Variants in TJP1 observed in about 807,000 individuals in gnomAD.
TJP1 encodes the protein tight junction protein 1.
TJP1 carries 43 observed loss-of-function variants against 194.2 expected under a neutral mutation model. The ratio of observed to expected loss-of-function variants is 0.22; its 90% CI spans 0.17 to 0.29. TJP1 has a LOEUF of 0.29. TJP1 is among the 10% of genes least tolerant of loss of function. The pLI, the probability that TJP1 is intolerant of heterozygous loss-of-function variation, is 1.00. For synonymous variants in TJP1, 801 were observed against 779.0 expected, an observed-to-expected ratio of 1.03 and a Z score of -0.47; for missense variants, 1,971 against 2,185.7, an observed-to-expected ratio of 0.90 and a Z score of 1.96.
Position 29,719,070 on chromosome 15 carries a change from A to G in TJP1, c.3072T>C (p.Val1024=). 6.2e-7 allele frequency: 1 copy of G among 1,614,110 alleles called. No homozygotes were observed. Among genetic ancestry groups the G allele is most frequent in the Non-Finnish European group, 8.5e-7 (1 of 1,180,042 alleles). The change falls in exon 21 of 28, where the codon GTT becomes GTC. Residue 1024 remains valine (V), a synonymous_variant. Coordinates refer to ENST00000614355, the MANE Select transcript of TJP1 (RefSeq NM_001330239.4). ...TGTCTGGCCTGTGCCCTGGGTGACTAACGGCTGGCTGTTTCAAAACATGGT... is the reference window on the plus strand; with the variant it reads ...TGTCTGGCCTGTGCCCTGGGTGACTGACGGCTGGCTGTTTCAAAACATGGT... ...RQNHVLKQPA[V]SHPGHRPDKE...
chr15:29,883,698 GGC>G (rs1324948001), intron 2 of TJP1, among the ~76,000 whole-genome samples: 1 of 151,758 alleles, frequency 6.6e-6, no homozygotes, highest in African/African-American at 2.4e-5. Flanking sequence ...TTTCATTTCT[GGC>G]TTTAATTGTG....
At chr15:29,749,284 T>C (rs1289534579) in intron 8 of TJP1, among the ~76,000 whole-genome samples, 6 of 151,872 alleles carry the variant, frequency 4.0e-5, no homozygotes, top group Admixed American at 6.6e-5. Context: ...CTGAGAGAGA[T>C]TTTATAGGTC....
intron 25 of TJP1, among the ~76,000 whole-genome samples, chr15:29,706,487 T>C (rs184469117): frequency 1.1e-3 from 166 of 152,236 alleles, no homozygotes; most frequent in African/African-American, 3.6e-3. Flanking sequence ...CATTGGAGCA[T>C]TTTGGCAATA....
intron 23 of TJP1, among the ~76,000 whole-genome samples, chr15:29,714,229 T>C (rs569979296): frequency 6.6e-6 from 1 of 152,270 alleles, no homozygotes; most frequent in African/African-American, 2.4e-5. Context: ...ACTTACTTTT[T>C]AGACCTAAAT....
intron 2 of TJP1, among the ~76,000 whole-genome samples, chr15:29,840,098 A>C (rs79082990): frequency 1.3e-5 from 2 of 152,176 alleles, no homozygotes; most frequent in Admixed American, 1.3e-4. Context: ...AGATTTTTTT[A>C]AACTATTGAG....
Position 29,705,710 on chromosome 15 carries a change from C to A in TJP1, c.4886G>T (p.Gly1629Val), listed in dbSNP as rs781714162. The change falls in exon 26 of 28, where the codon GGT becomes GTT. Residue 1629 changes from glycine (G) to valine (V), a missense_variant. By Grantham distance (109) the Gly-to-Val change is moderately radical (BLOSUM62 -3). Around this residue, in one of 5 missense-constraint regions of TJP1, gnomAD observed 1,108 missense variants for 1,128.5 expected, o/e 0.98. Coordinates refer to ENST00000614355, the MANE Select transcript of TJP1 (RefSeq NM_001330239.4). ...TCGGGCTGTGGCCACCACAGTATGA[C>A]CATCTTCATCTTCATCCTCTTCCAC... ...SAVEEDEDEDGHTVVATARGI... is the reference protein window; with the variant it reads ...SAVEEDEDEDVHTVVATARGI... 4.3e-6 allele frequency: 7 copies of A among 1,614,000 alleles called. No individual in the cohort carries two copies. In the African/African-American group the frequency reaches 8.0e-5, roughly 18 times the overall value.
chr15:29,860,694 G>A lies in TJP1; in HGVS notation c.307-59992C>T, dbSNP rs530274838. 6.8e-4 allele frequency among the ~76,000 whole-genome samples: 104 copies of A among 152,134 alleles called. 1 individual carries two copies. Among genetic ancestry groups the A allele is most frequent in the African/African-American group, 2.4e-3 (100 of 41,502 alleles). Reference sequence around the variant, plus strand: ...CTATTTTTCAGCTGATGAACAATTAGGCTGTTTCCATCTTTTGGTTATTAG... The same window carrying A: ...CTATTTTTCAGCTGATGAACAATTAAGCTGTTTCCATCTTTTGGTTATTAG... On this transcript the variant is annotated intron_variant, in intron 2 of 28. Coordinates refer to the TJP1 transcript ENST00000356107.
chr15:29,743,744 G>T (rs2044580350), intron 8 of TJP1, among the ~76,000 whole-genome samples: 1 of 151,932 alleles, frequency 6.6e-6, no homozygotes, highest in Non-Finnish European at 1.5e-5. Flanking sequence ...AAGAAAAAAA[G>T]AACTATAAAT....
At chr15:29,956,288 T>C (rs1421083636) in exon 2 of TJP1, 1 of 1,289,108 alleles carries the variant, frequency 7.8e-7, no homozygotes, top group Admixed American at 2.3e-5. Context: ...AATCTCCCTT[T>C]AATTCGTCTT....
intron 2 of TJP1, among the ~76,000 whole-genome samples, chr15:29,841,118 A>G (rs1434667717): frequency 6.6e-6 from 1 of 152,176 alleles, no homozygotes; most frequent in African/African-American, 2.4e-5. Flanking sequence ...AAGAAGGTGG[A>G]ATGTGACTGG....
At chr15:29,743,035 C>T in intron 8 of TJP1, 1 of 279,674 alleles carries the variant, frequency 3.6e-6, no homozygotes, top group Non-Finnish European at 6.6e-6. Context: ...AGTAGCATTC[C>T]AAACAAAACT....
At chr15:29,709,577 G>C (rs192089783) in intron 24 of TJP1, among the ~76,000 whole-genome samples, 7 of 152,224 alleles carry the variant, frequency 4.6e-5, no homozygotes, top group African/African-American at 1.4e-4. Flanking sequence ...AATACCTCAT[G>C]AATATAGTAA....
Position 29,700,832 on chromosome 15 carries a change from T to G in TJP1, c.*763A>C, listed in dbSNP as rs76088140. The G allele has an allele frequency of 0.045, 7,506 of 166,144 alleles. 192 individuals are homozygous for G. Among genetic ancestry groups the G allele is most frequent in the South Asian group, 0.077 (382 of 4,954 alleles). The allele number at this position is 166,144 out of a possible 1,614,324, so 10.3% of individuals were successfully genotyped here. A position where few individuals can be genotyped will look rare whatever the true frequency, so the allele number is the denominator to read the frequency against. On this transcript the variant is annotated 3_prime_UTR_variant, in exon 28 of 28. Coordinates refer to ENST00000614355, the MANE Select transcript of TJP1 (RefSeq NM_001330239.4). ...TGAAACCACCAAATGCACAACGTAC[T>G]CAGTCTTTGTCATGATACAGTATCT...
In TJP1 at chr15:29,701,364, G is replaced by T; in HGVS notation, c.*231C>A. 2.5e-6 allele frequency: 1 copy of T among 399,670 alleles called. No homozygotes were observed. The highest frequency in any genetic ancestry group is 3.6e-5 in the East Asian group (1 of 27,976). The allele number at this position is 399,670 out of a possible 1,614,324, so 24.8% of individuals were successfully genotyped here. On this transcript the variant is annotated 3_prime_UTR_variant, in exon 28 of 28. Coordinates refer to ENST00000614355, the MANE Select transcript of TJP1 (RefSeq NM_001330239.4). ...AAAAATCACAAAGCAAAATATCTTT[G>T]AACCTCTAGCCAATACCAACAGTCC...
At chr15:29,908,304 C>T (rs2152217048) in intron 2 of TJP1, among the ~76,000 whole-genome samples, 1 of 152,146 alleles carries the variant, frequency 6.6e-6, no homozygotes, top group East Asian at 1.9e-4. Flanking sequence ...AGACAGAAGA[C>T]TTGAGAAAGT....
chr15:29,872,688 ACTGCATTCAAACC>A lies in TJP1; in HGVS notation c.307-71999_307-71987del, dbSNP rs547363651. 7.9e-5 allele frequency among the ~76,000 whole-genome samples: 12 copies of A among 152,334 alleles called. No individual in the cohort carries two copies. In the South Asian group the frequency reaches 2.3e-3, roughly 29 times the overall value. Reference sequence around the variant, plus strand: ...AGGAGCTGGTACGTTAGAAGCATCTACTGCATTCAAACCCTGCATTAGGCCCCTTCATACAAAC... The same window carrying A: ...AGGAGCTGGTACGTTAGAAGCATCTACTGCATTAGGCCCCTTCATACAAAC... On this transcript the variant is annotated intron_variant, in intron 2 of 28. Coordinates refer to the TJP1 transcript ENST00000356107.
intron 2 of TJP1, among the ~76,000 whole-genome samples, chr15:29,848,528 T>C (rs2051507864): frequency 6.6e-6 from 1 of 152,224 alleles, no homozygotes; most frequent in Non-Finnish European, 1.5e-5. Flanking sequence ...GGAAGTTGAC[T>C]AGAGACAAAT....
intron 18 of TJP1, among the ~76,000 whole-genome samples, chr15:29,724,176 C>T (rs926885876): frequency 2.6e-5 from 4 of 152,224 alleles, no homozygotes; most frequent in Admixed American, 2.0e-4. Flanking sequence ...AAGACTCTGA[C>T]CTTGAGCACT....
At chr15:29,956,150 T>C (rs2152313914) in intron 2 of TJP1, 2 of 1,077,408 alleles carry the variant, frequency 1.9e-6, no homozygotes, top group East Asian at 1.3e-4. Context: ...AAAATAAGTC[T>C]GCTGCATTTT....
Sources: gnomAD v4.1 joint callset for allele counts (sites outside exome capture counted in the v4.1 genomes callset) on GRCh38, gnomAD v4.1.1 for gene constraint, gnomAD v4.1.1 regional missense constraint, MANE v1.5 for transcripts, NCBI Gene and HGNC (gene_info 2026-07-23, HGNC 2026-07-21) for gene names.